NBN: variants seen among roughly 807,000 people sequenced by gnomAD.
NBN encodes Nijmegen breakage syndrome 1 (nibrin).
NBN carries 88 observed loss-of-function variants against 90.8 expected under a neutral mutation model. The observed-to-expected ratio is 0.97, with a 90% CI of 0.82 to 1.16. NBN has a LOEUF of 1.16. Among genes scored for constraint, NBN ranks in the 50% most tolerant of loss-of-function variants. The probability of loss-of-function intolerance (pLI) is 0.00; values close to 1 mark genes in which losing one functional copy is unlikely to be tolerated. For missense variants in NBN, 894 were observed against 869.6 expected (o/e 1.03, Z -0.35); for synonymous variants, 328 against 295.1 (o/e 1.11, Z -1.14).
intron 11 of NBN, among the ~76,000 whole-genome samples, chr8:89,949,877 T>G (rs959642558): frequency 2.4e-4 from 36 of 152,204 alleles, no homozygotes; most frequent in Middle Eastern, 3.4e-3. Flanking sequence ...AAGCACCAAT[T>G]CCTTTAATCC....
intron 9 of NBN, among the ~76,000 whole-genome samples, chr8:89,957,853 G>T (rs1353257720): frequency 6.6e-6 from 1 of 152,062 alleles, no homozygotes; most frequent in Non-Finnish European, 1.5e-5. Context: ...TGAGGTTCCA[G>T]GTTTGCGGGC....
Position 89,933,848 on chromosome 8 carries a change from G to T in NBN, c.*1734C>A. On this transcript the variant is annotated 3_prime_UTR_variant, in exon 16 of 16. Transcript: ENST00000265433. ...AATACATATATCCGACAAGAGACTT[G>T]CATCTAGAATGTATAAAGAATTTCT... 4.3e-6 allele frequency: 1 copy of T among 232,314 alleles called. No homozygotes were observed. The highest frequency in any genetic ancestry group is 8.5e-6 in the Non-Finnish European group (1 of 117,594). 14.4% of individuals were successfully genotyped at this position (232,314 alleles called of 1,614,324 possible).
In NBN at chr8:89,984,175, G is replaced by A. The variant is rs1050491095; in HGVS notation, c.37+350C>T. ...GGTCCGCCCATGCTAACTTCCTGCC[G>A]GGGGTTCCCACTAGGCGCCTGCTGC... On this transcript the variant is annotated intron_variant, in intron 1 of 15. Transcript: ENST00000265433. 1.9e-5 allele frequency: 8 copies of A among 427,202 alleles called. No homozygotes were observed. In the Middle Eastern group the frequency reaches 1.9e-3, roughly 100 times the overall value. 26.5% of individuals were successfully genotyped at this position (427,202 alleles called of 1,614,324 possible). A position where few individuals can be genotyped will look rare whatever the true frequency, so the allele number is the denominator to read the frequency against.
intron 2 of NBN, chr8:89,981,948 C>T: frequency 1.7e-6 from 2 of 1,177,040 alleles, no homozygotes; most frequent in Non-Finnish European, 2.2e-6. Flanking sequence ...GTGTTTCTGA[C>T]TTACAGTAAC....
At chr8:89,981,634 GGCAGACAACAATT>G in intron 2 of NBN, 111 bp from the exon 3 acceptor site, 2 of 1,078,352 alleles carry the variant, frequency 1.9e-6, no homozygotes, top group Non-Finnish European at 2.7e-6. Context: ...CTCCCAACAC[GGCAGACAACAATT>G]ACTGCTTCGG....
chr8:89,972,949 T>C (rs1811583692), intron 5 of NBN, among the ~76,000 whole-genome samples: 1 of 152,250 alleles, frequency 6.6e-6, no homozygotes, highest in Non-Finnish European at 1.5e-5. Context: ...CACACTGTCA[T>C]TCTTAATTAT....
At chr8:89,956,451 A>G (rs1039072158) in intron 9 of NBN, among the ~76,000 whole-genome samples, 2 of 152,172 alleles carry the variant, frequency 1.3e-5, no homozygotes, top group Non-Finnish European at 2.9e-5. Context: ...TCCATTAAAA[A>G]CAAAACAAAA....
At chr8:89,964,896 T>G (rs552203223) in intron 7 of NBN, among the ~76,000 whole-genome samples, 1 of 152,054 alleles carries the variant, frequency 6.6e-6, no homozygotes, top group African/African-American at 2.4e-5. Context: ...GGTGGATCAC[T>G]TGAGGTCAGG....
chr8:89,978,411 G>T (rs1586101945), intron 4 of NBN, 88 bp from the exon 5 acceptor site: 1 of 1,014,828 alleles, frequency 9.9e-7, no homozygotes, highest in Non-Finnish European at 1.5e-6. Flanking sequence ...CAAAGAGGCT[G>T]TTTACATCCA....
Position 89,959,326 on chromosome 8 carries a change from T to C in NBN, c.995-472A>G, listed in dbSNP as rs189181666. ...TGGCTACTCCAGAAAACCATAATGA[T>C]TACCTCATCTTTTTACTTACCAGAA... is the stretch of plus-strand genomic sequence containing the variant. On this transcript the variant is annotated intron_variant, in intron 8 of 15. Transcript: ENST00000265433. Among the ~76,000 whole-genome samples the C allele has an allele frequency of 4.6e-5, 7 of 152,278 alleles. 1 individual carries two copies. The highest frequency in any genetic ancestry group is 4.6e-4 in the Admixed American group (7 of 15,298).
chr8:89,970,307 G>A (rs1226217096), intron 7 of NBN, 57 bp downstream of exon 7: 3 of 1,426,422 alleles, frequency 2.1e-6, no homozygotes, highest in Middle Eastern at 1.9e-4. Context: ...CAACAAAAAA[G>A]GTTAAACATA....
intron 5 of NBN, among the ~76,000 whole-genome samples, chr8:89,973,269 C>T (rs1207018500): frequency 6.6e-6 from 1 of 152,188 alleles, no homozygotes; most frequent in Non-Finnish European, 1.5e-5. Context: ...AAAAATTCAA[C>T]TTAATAATTT....
intron 14 of NBN, among the ~76,000 whole-genome samples, chr8:89,939,445 A>C (rs1389473573): frequency 6.6e-6 from 1 of 151,958 alleles, no homozygotes; most frequent in African/African-American, 2.4e-5. Flanking sequence ...TAAGCAAAAA[A>C]AAAATAGAAA....
At chr8:89,937,745 GGTTCC>G (rs1809758895) in intron 14 of NBN, among the ~76,000 whole-genome samples, 2 of 152,088 alleles carry the variant, frequency 1.3e-5, no homozygotes, top group Non-Finnish European at 2.9e-5. Flanking sequence ...TTCATAACCT[GGTTCC>G]ATTTTACTTT....
rs730881852 is a variant in NBN, at chr8:89,953,470, T to C, written c.1619A>G (p.His540Arg). 10 of 1,613,458 alleles carry C rather than the reference T, an allele frequency of 6.2e-6. No homozygotes were observed. The highest frequency in any genetic ancestry group is 1.3e-5 in the African/African-American group (1 of 74,936). Reference protein sequence around the residue: ...SIVKNSASKSHAAEKLRSNKK... With the variant: ...SIVKNSASKSRAAEKLRSNKK... ...ATTTGATCTTAGCTTTTCTGCAGCATGAGATTTACTGGCAGAATTTTTCAC... is the reference window on the plus strand; with the variant it reads ...ATTTGATCTTAGCTTTTCTGCAGCACGAGATTTACTGGCAGAATTTTTCAC... Residue 540 changes from histidine (H) to arginine (R), a missense_variant, in exon 11 of 16, where the codon CAT (histidine) becomes CGT (arginine). Coordinates refer to ENST00000265433, the MANE Select transcript of NBN (RefSeq NM_002485.5).
rs2129702580 is a variant in NBN at position 89,953,601 on chromosome 8, A to G, written c.1488T>C (p.Ala496=). 6.2e-7 allele frequency: 1 copy of G among 1,613,606 alleles called. No homozygotes were observed. Among genetic ancestry groups the G allele is most frequent in the East Asian group, 2.2e-5 (1 of 44,860 alleles). ...CCTTATTTTTCCACAATGAGGGTGT[A>G]GCAGGTTGTGTTTGTTCTAAAAGAG... The part of the protein sequence containing the change: ...SCSLLEQTQP[A]TPSLWKNKEQ... Residue 496 remains alanine, a synonymous_variant, in exon 11 of 16, where the codon GCT becomes GCC. Coordinates refer to ENST00000265433, the MANE Select transcript of NBN (RefSeq NM_002485.5).
chr8:89,965,280 CT>C (rs1396634786), intron 7 of NBN, among the ~76,000 whole-genome samples: 1 of 152,068 alleles, frequency 6.6e-6, no homozygotes, highest in East Asian at 1.9e-4. Flanking sequence ...TGTGTTACAA[CT>C]TTTAGTAAAT....
At chr8:89,940,979 C>G (rs1386606530) in intron 14 of NBN, among the ~76,000 whole-genome samples, 1 of 152,062 alleles carries the variant, frequency 6.6e-6, no homozygotes, top group African/African-American at 2.4e-5. Flanking sequence ...TGCCTAAGGT[C>G]ACATACTTGG....
At chr8:89,937,496 C>A (rs2735385) in intron 14 of NBN, 60,177 of 195,152 alleles carry the variant, frequency 0.31, 9,542 homozygotes, top group East Asian at 0.4. Context: ...CTTGGTCCCA[C>A]ATCAGGGCTT....
Sources: allele counts gnomAD v4.1 joint callset (sites outside exome capture counted in the v4.1 genomes callset), GRCh38; gene constraint gnomAD v4.1.1; transcripts MANE v1.5; gene names NCBI Gene and HGNC (gene_info 2026-07-23, HGNC 2026-07-21).